DLG2: variants seen among roughly 807,000 people sequenced by gnomAD.
The protein encoded by DLG2 is disks large homolog 2.
Under a neutral mutation model 132.5 loss-of-function variants are expected in DLG2, and 45 were observed. The ratio of observed to expected loss-of-function variants is 0.34; its 90% confidence interval spans 0.27 to 0.44. The LOEUF is 0.44. Among genes scored for constraint, DLG2 ranks in the 20% least tolerant of loss-of-function variants. The pLI, the probability that DLG2 is intolerant of heterozygous loss-of-function variation, is 1.00. For synonymous variants in DLG2, 424 were observed against 419.6 expected, an observed-to-expected ratio of 1.01 and a Z score of -0.13; for missense variants, 1,045 against 1,196.9, an observed-to-expected ratio of 0.87 and a Z score of 1.87.
At chr11:84,329,025 AGT>A (rs1490859081) in intron 7 of DLG2, among the ~76,000 whole-genome samples, 1 of 152,228 alleles carries the variant, frequency 6.6e-6, no homozygotes, top group African/African-American at 2.4e-5. Flanking sequence ...TGAATAAACA[AGT>A]GTGCTCAGTG....
chr11:84,740,969 ACC>A (rs2064541017), intron 6 of DLG2, among the ~76,000 whole-genome samples: 4 of 144,050 alleles, frequency 2.8e-5, no homozygotes, highest in Admixed American at 7.0e-5. Context: ...AAACCCACAC[ACC>A]CAAAATCAGG....
chr11:83,819,628 C>T (rs2050187983), intron 17 of DLG2, among the ~76,000 whole-genome samples: 1 of 151,858 alleles, frequency 6.6e-6, no homozygotes, highest in Admixed American at 6.6e-5. Flanking sequence ...ATGTTACACA[C>T]AAAACCTGAG....
rs1413776474 is a variant in DLG2, at chr11:84,289,916, AG to A, written c.520-38626del. ...TTTTCTGGATGGTCAGGCCCCTCAA[AG>A]TAGTAACCAGATCCAGAATATAGTA... is the stretch of plus-strand genomic sequence containing the variant. On this transcript the variant is annotated intron_variant, in intron 7 of 27. Transcript: ENST00000376104. 2.6e-5 allele frequency among the ~76,000 whole-genome samples: 4 copies of A among 152,270 alleles called. No homozygotes were observed. The East Asian group carries it at 7.7e-4, about 29-fold the overall frequency.
At chr11:83,914,006 T>C (rs1378373600) in intron 15 of DLG2, among the ~76,000 whole-genome samples, 1 of 152,128 alleles carries the variant, frequency 6.6e-6, no homozygotes, top group African/African-American at 2.4e-5. Context: ...CTGGAGATAA[T>C]ATGGAAAGAC....
At chr11:84,562,744 T>G (rs186821582) in intron 6 of DLG2, among the ~76,000 whole-genome samples, 61 of 151,912 alleles carry the variant, frequency 4.0e-4, no homozygotes, top group Non-Finnish European at 4.4e-4. Flanking sequence ...TTTCTTTCTT[T>G]CTTTCTTTTT....
intron 3 of DLG2, among the ~76,000 whole-genome samples, chr11:85,367,117 G>A (rs567212177): frequency 9.1e-4 from 139 of 152,252 alleles, no homozygotes; most frequent in Admixed American, 2.6e-3. Context: ...TACAGAATGC[G>A]ATTTTAGATC....
chr11:83,523,266 T>C (rs1020033174), intron 21 of DLG2, among the ~76,000 whole-genome samples: 3 of 152,238 alleles, frequency 2.0e-5, no homozygotes, highest in Non-Finnish European at 4.4e-5. Context: ...TACCTTGAAT[T>C]AATGATGAAA....
intron 6 of DLG2, among the ~76,000 whole-genome samples, chr11:85,108,925 G>A (rs2072256273): frequency 6.6e-6 from 1 of 151,922 alleles, no homozygotes; most frequent in Non-Finnish European, 1.5e-5. Context: ...ACCTAAGAAG[G>A]GCAGATACAA....
intron 18 of DLG2, among the ~76,000 whole-genome samples, chr11:83,770,547 A>G (rs1000442825): frequency 6.6e-6 from 1 of 152,160 alleles, no homozygotes; most frequent in South Asian, 2.1e-4. Context: ...ATTTGGATGT[A>G]TAAATTTAGA....
chr11:85,497,120 A>G (rs1439288932), intron 3 of DLG2, among the ~76,000 whole-genome samples: 1 of 152,048 alleles, frequency 6.6e-6, no homozygotes, highest in Non-Finnish European at 1.5e-5. Flanking sequence ...GTCACTAATA[A>G]CAAACTTCTC....
intron 7 of DLG2, among the ~76,000 whole-genome samples, chr11:84,473,789 G>A (rs997506486): frequency 2.6e-5 from 4 of 152,014 alleles, no homozygotes; most frequent in Non-Finnish European, 5.9e-5. Context: ...GGAATCTGCT[G>A]ATACCTGGAA....
intron 6 of DLG2, among the ~76,000 whole-genome samples, chr11:85,102,201 T>C (rs750270487): frequency 9.2e-5 from 14 of 152,024 alleles, no homozygotes; most frequent in Non-Finnish European, 1.6e-4. Context: ...CAGAGCCAAA[T>C]TGGGAATCCA....
At chr11:84,948,259 C>A (rs1197568710) in intron 6 of DLG2, among the ~76,000 whole-genome samples, 1 of 152,206 alleles carries the variant, frequency 6.6e-6, no homozygotes, top group Non-Finnish European at 1.5e-5. Context: ...CTTTTTCTCT[C>A]TCTGTTACAT....
intron 4 of DLG2, among the ~76,000 whole-genome samples, chr11:85,185,767 T>A (rs1160679827): frequency 6.6e-6 from 1 of 151,832 alleles, no homozygotes; most frequent in Non-Finnish European, 1.5e-5. Flanking sequence ...ATTAACATAA[T>A]CATTATCACA....
rs2083675977 is a variant in DLG2 at position 84,861,629 on chromosome 11, A to AAC, written c.357+250031_357+250032insGT. On this transcript the variant is annotated intron_variant, in intron 6 of 27. Coordinates refer to ENST00000376104, the MANE Select transcript of DLG2 (RefSeq NM_001142699.3). ...GAGCTTCTACACAGCAAAAAAAAAA[A>AAC]AAAAAAAAAACAAAAAAAAAAACCT... is the stretch of plus-strand genomic sequence containing the variant. Among the ~76,000 whole-genome samples, 2 of 72,978 alleles carry AAC rather than the reference A, an allele frequency of 2.7e-5. 1 individual carries two copies. Among genetic ancestry groups the AAC allele is most frequent in the Non-Finnish European group, 6.4e-5 (2 of 31,260 alleles). The allele number at this position is 72,978 out of a possible 152,430, so 47.9% of individuals were successfully genotyped here. A position where few individuals can be genotyped will look rare whatever the true frequency, so the allele number is the denominator to read the frequency against.
At chr11:83,584,601 A>G (rs1240829975) in intron 19 of DLG2, among the ~76,000 whole-genome samples, 1 of 152,212 alleles carries the variant, frequency 6.6e-6, no homozygotes, top group Admixed American at 6.5e-5. Context: ...AGTGTCATAT[A>G]AAATAGTTTT....
At chr11:84,342,654 A>G (rs2098520547) in intron 7 of DLG2, among the ~76,000 whole-genome samples, 1 of 152,194 alleles carries the variant, frequency 6.6e-6, no homozygotes. Flanking sequence ...AGCACAATAC[A>G]TTACCCCAAA....
intron 6 of DLG2, among the ~76,000 whole-genome samples, chr11:84,982,519 T>A (rs1473239729): frequency 6.6e-6 from 1 of 152,074 alleles, no homozygotes; most frequent in Non-Finnish European, 1.5e-5. Flanking sequence ...GTATTCTCCA[T>A]CTCCTCATTG....
At chr11:84,208,528 G>C (rs11233946) in intron 8 of DLG2, among the ~76,000 whole-genome samples, 1 of 151,908 alleles carries the variant, frequency 6.6e-6, no homozygotes, top group African/African-American at 2.4e-5. Context: ...ATTTTTACTA[G>C]AGACAGAGTT....
Sources: gnomAD v4.1 joint callset for allele counts (sites outside exome capture counted in the v4.1 genomes callset) on GRCh38, gnomAD v4.1.1 for gene constraint, MANE v1.5 for transcripts, NCBI Gene and HGNC (gene_info 2026-07-23, HGNC 2026-07-21) for gene names.